OTOGL: variants seen among roughly 807,000 people sequenced by gnomAD.
The protein encoded by OTOGL is otogelin like, also known as otogelin-like protein.
A neutral mutation model predicts 318.5 loss-of-function variants in OTOGL; 285 were observed. The observed-to-expected ratio is 0.89, with a 90% CI of 0.81 to 0.99. The LOEUF is 0.99. Ranked by LOEUF, OTOGL falls within the 50% of genes least tolerant of loss-of-function variation. The probability of loss-of-function intolerance (pLI) is 0.00; values close to 1 mark genes in which losing one functional copy is unlikely to be tolerated. For synonymous variants in OTOGL, 987 were observed against 936.5 expected, an observed-to-expected ratio of 1.05 and a Z score of -0.99; for missense variants, 2,899 against 2,845.6, an observed-to-expected ratio of 1.02 and a Z score of -0.43.
At chr12:80,267,567 C>G (rs1248978687) in intron 22 of OTOGL, among the ~76,000 whole-genome samples, 1 of 106,274 alleles carries the variant, frequency 9.4e-6, no homozygotes, top group South Asian at 4.0e-4. Flanking sequence ...CCTCCCCCCA[C>G]CCCACAACAG....
intron 1 of OTOGL, among the ~76,000 whole-genome samples, chr12:80,110,802 G>C (rs1418804599): frequency 6.6e-6 from 1 of 152,168 alleles, no homozygotes; most frequent in East Asian, 1.9e-4. Context: ...GGTATTTCTA[G>C]TTCTAGATCT....
At chr12:80,180,135 G>C (rs1033062016) in intron 1 of OTOGL, among the ~76,000 whole-genome samples, 1 of 151,146 alleles carries the variant, frequency 6.6e-6, no homozygotes, top group Non-Finnish European at 1.5e-5. Context: ...AGGCATAATG[G>C]CCATCTGGAT....
intron 1 of OTOGL, chr12:80,208,184 AT>A (rs759120880): frequency 7.7e-6 from 4 of 516,546 alleles, no homozygotes; most frequent in Non-Finnish European, 1.2e-5. Flanking sequence ...GGCTCATGGA[AT>A]TAGCTATTAT....
chr12:80,111,443 T>C (rs561875683), intron 1 of OTOGL, among the ~76,000 whole-genome samples: 2 of 152,296 alleles, frequency 1.3e-5, no homozygotes, highest in East Asian at 3.9e-4. Flanking sequence ...AAGGAAGGGG[T>C]CCAGTTTCAG....
rs1878114453 is a variant in OTOGL, at chr12:80,219,794, T to C, written c.236-20T>C. 5 of 1,474,460 alleles carry C rather than the reference T, an allele frequency of 3.4e-6. No homozygotes were observed. The highest frequency in any genetic ancestry group is 4.6e-6 in the Non-Finnish European group (5 of 1,075,362). The allele number at this position is 1,474,460 out of a possible 1,614,324, so 91.3% of individuals were successfully genotyped here. ...CAAATGGATGCCAGAAGATAACTTT[T>C]TTTTTTTTTTCCCCCTCAGGTTCTT... On this transcript the variant is annotated intron_variant, in intron 5 of 58. Coordinates refer to ENST00000547103, the MANE Select transcript of OTOGL (RefSeq NM_001378609.3).
chr12:80,344,901 A>G lies in OTOGL; in HGVS notation c.5265+2739A>G, dbSNP rs143341773. Among the ~76,000 whole-genome samples the G allele has an allele frequency of 3.3e-5, 5 of 150,032 alleles. No homozygotes were observed. In the East Asian group the frequency reaches 9.7e-4, roughly 29 times the overall value. On this transcript the variant is annotated intron_variant, in intron 44 of 58. Transcript: ENST00000547103. The stretch of plus-strand genomic sequence containing the variant: ...TAATTTTTTTAAGTGTTATAGTTTG[A>G]ATATCTTTCAACAAAAGAAAGTTAA...
chr12:80,321,955 GC>G (rs1234240640), intron 34 of OTOGL, among the ~76,000 whole-genome samples: 1 of 152,164 alleles, frequency 6.6e-6, no homozygotes, highest in African/African-American at 2.4e-5. Context: ...AGGTTGCACT[GC>G]AGCTGAGGGA....
At position 80,341,972 on chromosome 12, in the gene OTOGL, A is replaced by G; in HGVS notation, c.5075A>G (p.Asp1692Gly). 3 of 1,606,952 alleles carry G rather than the reference A, an allele frequency of 1.9e-6. No homozygotes were observed. In the South Asian group the frequency reaches 3.3e-5, roughly 18 times the overall value. The change falls in exon 44 of 59, where the codon GAT becomes GGT. Residue 1692 changes from aspartate (D) to glycine (G), a missense_variant. Around this residue, in one of 3 missense-constraint regions of OTOGL, gnomAD observed 2,607 missense variants for 2,524.9 expected, o/e 1.03. Coordinates refer to ENST00000547103, the MANE Select transcript of OTOGL (RefSeq NM_001378609.3). Reference sequence around the variant, plus strand: ...GGAATTTGCAATGAAGATCCGGATGATGATCTAAGGATGCAAAATGGCACA... The same window carrying G: ...GGAATTTGCAATGAAGATCCGGATGGTGATCTAAGGATGCAAAATGGCACA... The part of the protein sequence containing the change: ...LCGICNEDPD[D>G]DLRMQNGTII...
At chr12:80,147,309 T>C (rs1181235739) in intron 1 of OTOGL, among the ~76,000 whole-genome samples, 2 of 146,318 alleles carry the variant, frequency 1.4e-5, no homozygotes, top group African/African-American at 5.2e-5. Flanking sequence ...CATTTCGTTA[T>C]GTACCCAGTA....
Position 80,366,612 on chromosome 12 carries a change from T to C in OTOGL, c.6306T>C (p.Asp2102=). The change falls in exon 53 of 59, where the codon GAT becomes GAC. Residue 2102 remains aspartate, a synonymous_variant. Transcript: ENST00000547103. ...FTAIDHNFQS[D]CGCIQYLCEK... is the part of the protein sequence containing the mutation. Reference sequence around the variant, plus strand: ...CAATAGACCATAACTTCCAGAGTGATTGTGGATGCATACAGTATCTCTGTG... The same window carrying C: ...CAATAGACCATAACTTCCAGAGTGACTGTGGATGCATACAGTATCTCTGTG... 7.0e-7 allele frequency: 1 copy of C among 1,422,528 alleles called. No homozygotes were observed. The allele number at this position is 1,422,528 out of a possible 1,614,324, so 88.1% of individuals were successfully genotyped here. A position where few individuals can be genotyped will look rare whatever the true frequency, so the allele number is the denominator to read the frequency against.
chr12:80,192,999 A>AC, intron 1 of OTOGL, among the ~76,000 whole-genome samples: 1 of 151,992 alleles, frequency 6.6e-6, no homozygotes, highest in South Asian at 2.1e-4. Flanking sequence ...CTAAAAAAAA[A>AC]ACCGAATCAG....
At chr12:80,275,880 A>G (rs1018745796) in intron 24 of OTOGL, among the ~76,000 whole-genome samples, 2 of 151,598 alleles carry the variant, frequency 1.3e-5, no homozygotes, top group African/African-American at 4.8e-5. Context: ...TAAGGTATGT[A>G]TATTTTTTAG....
intron 44 of OTOGL, among the ~76,000 whole-genome samples, chr12:80,350,587 A>G (rs113211425): frequency 9.2e-5 from 14 of 152,306 alleles, no homozygotes; most frequent in African/African-American, 3.4e-4. Context: ...TCTTTTTGAT[A>G]ATACCCATTC....
intron 1 of OTOGL, among the ~76,000 whole-genome samples, chr12:80,182,173 G>A (rs1383888894): frequency 2.0e-5 from 3 of 151,806 alleles, no homozygotes; most frequent in Non-Finnish European, 4.4e-5. Flanking sequence ...TTAAAAAGGG[G>A]GTAAAAAAAT....
intron 44 of OTOGL, among the ~76,000 whole-genome samples, chr12:80,350,745 T>C (rs1259888864): frequency 6.6e-6 from 1 of 152,234 alleles, no homozygotes; most frequent in African/African-American, 2.4e-5. Context: ...ATTTTTAAAT[T>C]GGGTTATTTG....
At chr12:80,243,001 A>G (rs1880513719) in intron 11 of OTOGL, among the ~76,000 whole-genome samples, 1 of 151,980 alleles carries the variant, frequency 6.6e-6, no homozygotes, top group South Asian at 2.1e-4. Context: ...TGCGATGCCA[A>G]AGCCAATTGA....
chr12:80,318,614 A>C lies in OTOGL; in HGVS notation c.3703A>C (p.Thr1235Pro). 6.8e-7 allele frequency: 1 copy of C among 1,462,668 alleles called. No individual in the cohort carries two copies. Among genetic ancestry groups the C allele is most frequent in the Non-Finnish European group, 9.0e-7 (1 of 1,108,020 alleles). 90.6% of individuals were successfully genotyped at this position (1,462,668 alleles called of 1,614,324 possible). A position where few individuals can be genotyped will look rare whatever the true frequency, so the allele number is the denominator to read the frequency against. ...QSGLVLGANMTSRSVFCLPRS... is the reference protein window; with the variant it reads ...QSGLVLGANMPSRSVFCLPRS... ...TGGCCTTGTTCTGGGGGCCAATATG[A>C]CCAGCAGAAGCGTTTTCTGTTTGCC... The change falls in exon 33 of 59, where the codon ACC becomes CCC. Residue 1235 changes from threonine to proline, a missense_variant. Thr to Pro is a conservative substitution (Grantham distance 38). This residue lies in a region of OTOGL where 2,607 missense variants were observed against 2,524.9 expected (regional missense o/e 1.03). Coordinates refer to ENST00000547103, the MANE Select transcript of OTOGL (RefSeq NM_001378609.3).
At chr12:80,209,907 T>A (rs1376070982) in intron 2 of OTOGL, among the ~76,000 whole-genome samples, 2 of 152,154 alleles carry the variant, frequency 1.3e-5, no homozygotes, top group East Asian at 3.8e-4. Flanking sequence ...CTATTTGCAA[T>A]TTAAACATTT....
intron 49 of OTOGL, among the ~76,000 whole-genome samples, chr12:80,357,472 TAATC>T (rs1482203135): frequency 6.6e-6 from 1 of 152,144 alleles, no homozygotes; most frequent in African/African-American, 2.4e-5. Context: ...GTTTCAGAAG[TAATC>T]AAAACAATTT....
Sources: gnomAD v4.1 joint callset for allele counts (sites outside exome capture counted in the v4.1 genomes callset) on GRCh38, gnomAD v4.1.1 for gene constraint, gnomAD v4.1.1 regional missense constraint, MANE v1.5 for transcripts, NCBI Gene and HGNC (gene_info 2026-07-23, HGNC 2026-07-21) for gene names.